Variants in TNNT2 observed in about 807,000 individuals in gnomAD.
TNNT2 encodes the protein troponin T, cardiac muscle.
A neutral mutation model predicts 62.4 loss-of-function variants in TNNT2; 34 were observed. That is an observed-to-expected ratio of 0.54 (90% CI 0.41 to 0.72). TNNT2 has a LOEUF of 0.72. TNNT2 is among the 30% of genes least tolerant of loss of function. The pLI is 0.00. For missense variants in TNNT2, 275 were observed against 381.9 expected, an observed-to-expected ratio of 0.72 and a Z score of 2.33; for synonymous variants, 123 against 127.2, an observed-to-expected ratio of 0.97 and a Z score of 0.22.
chr1:201,369,420 C>T (rs1660236856), intron 5 of TNNT2: 1 of 478,176 alleles, frequency 2.1e-6, no homozygotes, highest in Non-Finnish European at 4.3e-6. Flanking sequence ...GGCCACCCTG[C>T]TTGGTGCTGT....
intron 1 of TNNT2, chr1:201,374,289 G>GA (rs1175132077): frequency 9.2e-5 from 14 of 152,132 alleles, no homozygotes; most frequent in Admixed American, 2.6e-4. Flanking sequence ...TTCCCCCAGG[G>GA]AACTCATTCT....
rs904874768 is a variant in TNNT2, at chr1:201,367,759, T to C, written c.199+12A>G. The C allele has an allele frequency of 3.7e-6, 6 of 1,613,914 alleles. No homozygotes were observed. In the South Asian group the frequency reaches 4.4e-5, roughly 12 times the overall value. On this transcript the variant is annotated intron_variant, in intron 7 of 16. Transcript: ENST00000656932. ...CTTTGCCTCCCTTGTACCTCTCTCC[T>C]GATATCCTTACCTTCAGCCTCCTTT...
chr1:201,376,781 G>A (rs1021154090), intron 1 of TNNT2, among the ~76,000 whole-genome samples: 10 of 152,184 alleles, frequency 6.6e-5, no homozygotes, highest in Non-Finnish European at 1.3e-4. Context: ...ACCACTCCTG[G>A]GCACAGAGCA....
chr1:201,365,470 G>T, intron 9 of TNNT2, 140 bp downstream of exon 9: 3 of 1,207,148 alleles, frequency 2.5e-6, no homozygotes, highest in Non-Finnish European at 3.7e-6. Flanking sequence ...CCACGCTCAT[G>T]GATGGGCACC....
chr1:201,365,126 C>T (rs1659411875), intron 10 of TNNT2, 65 bp downstream of exon 10: 1 of 1,417,022 alleles, frequency 7.1e-7, no homozygotes, highest in South Asian at 1.1e-5. Context: ...GGTGGGGCCT[C>T]ACAAAAGGGA....
chr1:201,369,716 A>T, intron 5 of TNNT2, 100 bp downstream of exon 5: 1 of 1,477,832 alleles, frequency 6.8e-7, no homozygotes, highest in Non-Finnish European at 9.5e-7. Context: ...CCTGCCGCCT[A>T]CTCACACCCC....
At chr1:201,367,667 A>G in intron 7 of TNNT2, 104 bp downstream of exon 7, 2 of 1,286,672 alleles carry the variant, frequency 1.6e-6, no homozygotes, top group Non-Finnish European at 2.3e-6. Flanking sequence ...AAACCCTCTC[A>G]GTGCACATCC....
chr1:201,377,641 G>A lies in TNNT2; in HGVS notation c.-33C>T, dbSNP rs989981518. 2.4e-5 allele frequency: 11 copies of A among 456,166 alleles called. No individual in the cohort carries two copies. Among genetic ancestry groups the A allele is most frequent in the African/African-American group, 4.0e-5 (2 of 50,068 alleles). 28.3% of individuals were successfully genotyped at this position (456,166 alleles called of 1,614,324 possible). ...GCCTTACCTCAGAACAGCAGCTGCC[G>A]ACAGATCCTGGAGGCGTCTGCTCAG... On this transcript the variant is annotated 5_prime_UTR_variant, in exon 1 of 17. Coordinates refer to ENST00000656932, the MANE Select transcript of TNNT2 (RefSeq NM_001276345.2).
chr1:201,363,286 C>A lies in TNNT2; in HGVS notation c.600+10G>T. The A allele has an allele frequency of 6.2e-7, 1 of 1,614,086 alleles. No homozygotes were observed. Among genetic ancestry groups the A allele is most frequent in the Non-Finnish European group, 8.5e-7 (1 of 1,179,966 alleles). On this transcript the variant is annotated intron_variant, in intron 12 of 16. Transcript: ENST00000656932. ...GGATCTCCTGGCAACCCCTGCTGCT[C>A]CCTACCTACCTTCTGGATGTAACCC... is the stretch of plus-strand genomic sequence containing the variant.
rs962090092 is a variant in TNNT2, at chr1:201,367,044, G to A, written c.200-173C>T. 3 of 1,057,948 alleles carry A rather than the reference G, an allele frequency of 2.8e-6. No homozygotes were observed. In the African/African-American group the frequency reaches 4.7e-5, roughly 17 times the overall value. 65.5% of individuals were successfully genotyped at this position (1,057,948 alleles called of 1,614,324 possible). A position where few individuals can be genotyped will look rare whatever the true frequency, so the allele number is the denominator to read the frequency against. ...AGCATCCAGGAGAATGAAGGCAGCG[G>A]GGGCTGCAGATGCCACACTCCCCCT... On this transcript the variant is annotated intron_variant, in intron 7 of 16. Coordinates refer to ENST00000656932, the MANE Select transcript of TNNT2 (RefSeq NM_001276345.2).
At chr1:201,362,926 A>T (rs1658957540) in intron 12 of TNNT2, among the ~76,000 whole-genome samples, 1 of 152,166 alleles carries the variant, frequency 6.6e-6, no homozygotes, top group African/African-American at 2.4e-5. Context: ...AGAGGTTGCA[A>T]AAGGTCACAC....
At chr1:201,373,403 T>G (rs1408924106) in intron 1 of TNNT2, 135 bp from the exon 2 acceptor site, 8 of 796,532 alleles carry the variant, frequency 1.0e-5, no homozygotes, top group Non-Finnish European at 1.7e-5. Context: ...CTGTGTGACC[T>G]GCAACAAAAA....
rs770704074 is a variant in TNNT2 at position 201,363,417 on chromosome 1, G to T, written c.490-11C>A. 19 of 1,612,762 alleles carry T rather than the reference G, an allele frequency of 1.2e-5. No homozygotes were observed. Among genetic ancestry groups the T allele is most frequent in the Non-Finnish European group, 1.6e-5 (19 of 1,178,784 alleles). Reference sequence around the variant, plus strand: ...TCGAGCCCTCTCTTCCTGATTTACAGCAGGGAGGAAGAAAGCAAATTAGGG... The same window carrying T: ...TCGAGCCCTCTCTTCCTGATTTACATCAGGGAGGAAGAAAGCAAATTAGGG... On this transcript the variant is annotated splice_polypyrimidine_tract_variant and intron_variant, in intron 11 of 16. Coordinates refer to ENST00000656932, the MANE Select transcript of TNNT2 (RefSeq NM_001276345.2).
chr1:201,361,719 T>C (rs540416170), intron 14 of TNNT2, among the ~76,000 whole-genome samples, 194 bp downstream of exon 14: 1 of 152,310 alleles, frequency 6.6e-6, no homozygotes, highest in African/African-American at 2.4e-5. Flanking sequence ...TCAGTTCTCT[T>C]TCCCCATCAG....
At chr1:201,367,750 C>A in intron 7 of TNNT2, 21 bp downstream of exon 7, 1 of 1,614,036 alleles carries the variant, frequency 6.2e-7, no homozygotes, top group Non-Finnish European at 8.5e-7. Context: ...CTCCCTTGTA[C>A]CTCTCTCCTG....
Position 201,372,015 on chromosome 1 carries a change from T to A in TNNT2, c.67+12A>T. Reference sequence around the variant, plus strand: ...GCCCCTTTCTGGCTCTCCACCTGCCTGAGGCACATACCTTCAACAGCTGCT... The same window carrying A: ...GCCCCTTTCTGGCTCTCCACCTGCCAGAGGCACATACCTTCAACAGCTGCT... On this transcript the variant is annotated intron_variant, in intron 4 of 16. Coordinates refer to ENST00000656932, the MANE Select transcript of TNNT2 (RefSeq NM_001276345.2). 6.2e-7 allele frequency: 1 copy of A among 1,613,482 alleles called. No homozygotes were observed. Among genetic ancestry groups the A allele is most frequent in the Non-Finnish European group, 8.5e-7 (1 of 1,179,898 alleles).
At chr1:201,368,455 G>A in intron 5 of TNNT2, 1 of 619,640 alleles carries the variant, frequency 1.6e-6, no homozygotes, top group Non-Finnish European at 3.0e-6. Flanking sequence ...CCTCCCTGAT[G>A]ATGGGACTCC....
At chr1:201,374,656 T>A (rs558710127) in intron 1 of TNNT2, 1 of 152,262 alleles carries the variant, frequency 6.6e-6, no homozygotes, top group African/African-American at 2.4e-5. Flanking sequence ...ACATCTCAGC[T>A]CTCTTTGCTG....
chr1:201,375,336 T>C (rs1454123268), intron 1 of TNNT2: 1 of 152,210 alleles, frequency 6.6e-6, no homozygotes, highest in Non-Finnish European at 1.5e-5. Context: ...GAAACAAGCA[T>C]GGCTGCAGCA....
Sources: gnomAD v4.1 joint callset for allele counts (sites outside exome capture counted in the v4.1 genomes callset) on GRCh38, gnomAD v4.1.1 for gene constraint, MANE v1.5 for transcripts, NCBI Gene and HGNC (gene_info 2026-07-23, HGNC 2026-07-21) for gene names.